TENM1: variants seen among roughly 807,000 people sequenced by gnomAD.
TENM1 encodes teneurin transmembrane protein 1.
In TENM1, 35 loss-of-function variants were observed where a neutral mutation model predicts 174.8. The observed-to-expected ratio is 0.20, with a 90% confidence interval of 0.15 to 0.27. The LOEUF is 0.27. Among genes scored for constraint, TENM1 ranks in the 10% least tolerant of loss-of-function variants. TENM1 has a pLI of 1.00. For missense variants in TENM1, 1,633 were observed against 2,130.1 expected (o/e 0.77, Z 4.59); for synonymous variants, 781 against 798.7 (o/e 0.98, Z 0.37).
At chrX:124,899,123 A>G (rs2057613542) in intron 1 of TENM1, among the ~76,000 whole-genome samples, 2 of 112,057 alleles carry the variant, frequency 1.8e-5, no homozygotes, top group Non-Finnish European at 3.8e-5. Flanking sequence ...GGTGGTGCTC[A>G]AAATTCCCAA....
chrX:124,943,315 C>T (rs1212422457), intron 1 of TENM1, among the ~76,000 whole-genome samples: 4 of 111,460 alleles, frequency 3.6e-5, no homozygotes, highest in African/African-American at 1.3e-4. Context: ...CAAAGCTACT[C>T]AGCATGGAAT....
the TENM1 span, among the ~76,000 whole-genome samples, chrX:125,067,455 A>G: frequency 9.0e-6 from 1 of 111,393 alleles, no homozygotes; most frequent in African/African-American, 3.3e-5. Context: ...ATTCTTTGAC[A>G]GAGCGAGGGA....
chrX:124,614,981 C>T (rs2050366200), intron 11 of TENM1, among the ~76,000 whole-genome samples: 1 of 111,998 alleles, frequency 8.9e-6, no homozygotes, highest in African/African-American at 3.2e-5. Context: ...TAGGAACATG[C>T]CCAAGATTTA....
the TENM1 span, among the ~76,000 whole-genome samples, chrX:125,136,207 T>C: frequency 9.0e-6 from 1 of 111,085 alleles, no homozygotes; most frequent in South Asian, 3.8e-4. Flanking sequence ...AAACTCTGGG[T>C]GTAAGGAAAC....
At chrX:124,909,729 C>T (rs1309696063) in intron 1 of TENM1, among the ~76,000 whole-genome samples, 1 of 112,134 alleles carries the variant, frequency 8.9e-6, no homozygotes, top group Non-Finnish European at 1.9e-5. Context: ...TGCAGGCGGA[C>T]AAATAAAAGA....
exon 11 of TENM1, chrX:124,641,878 C>T: frequency 8.3e-7 from 1 of 1,211,455 alleles, no homozygotes; most frequent in Non-Finnish European, 1.1e-6. Context: ...GAGCACTGCT[C>T]TTGACATACA....
chrX:124,666,253 T>C (rs913648039), intron 6 of TENM1, among the ~76,000 whole-genome samples: 2 of 111,685 alleles, frequency 1.8e-5, no homozygotes, highest in East Asian at 2.8e-4. Flanking sequence ...TCTTTAGTTC[T>C]GTCTTTCCCC....
chrX:124,448,788 C>T (rs2060994982), intron 23 of TENM1, among the ~76,000 whole-genome samples: 1 of 111,725 alleles, frequency 9.0e-6, no homozygotes, highest in African/African-American at 3.3e-5. Context: ...TACATTTAAG[C>T]ATGGTGATAC....
At chrX:125,037,272 G>T in the TENM1 span, among the ~76,000 whole-genome samples, 2 of 109,903 alleles carry the variant, frequency 1.8e-5, no homozygotes, top group Non-Finnish European at 3.8e-5. Context: ...ATTCTCATTG[G>T]TGCCCTCTAT....
chrX:125,191,743 C>T, the TENM1 span, among the ~76,000 whole-genome samples: 2 of 111,444 alleles, frequency 1.8e-5, no homozygotes, highest in East Asian at 5.6e-4. Context: ...TGGTGTGATC[C>T]TGAAAGAGTC....
intron 3 of TENM1, among the ~76,000 whole-genome samples, chrX:124,807,223 C>T (rs1167881875): frequency 2.7e-5 from 3 of 112,056 alleles, no homozygotes; most frequent in African/African-American, 9.7e-5. Context: ...CCAGGCCCCA[C>T]ATCCAACATT....
At chrX:124,448,253 G>C (rs1296601943) in intron 23 of TENM1, among the ~76,000 whole-genome samples, 1 of 112,027 alleles carries the variant, frequency 8.9e-6, no homozygotes, top group Admixed American at 9.5e-5. Context: ...GTCTCATCCA[G>C]AGTTGTATCC....
At chrX:124,897,185 A>G (rs927866616) in intron 1 of TENM1, among the ~76,000 whole-genome samples, 2 of 111,826 alleles carry the variant, frequency 1.8e-5, no homozygotes, top group African/African-American at 6.5e-5. Context: ...TCAATTTTAC[A>G]TTCAGTTATA....
chrX:124,987,497 G>C, the TENM1 span, among the ~76,000 whole-genome samples: 3 of 111,342 alleles, frequency 2.7e-5, no homozygotes, highest in Admixed American at 2.9e-4. Flanking sequence ...AAAATATGTA[G>C]AAACTTGAAA....
chrX:125,053,064 C>T, the TENM1 span, among the ~76,000 whole-genome samples: 2 of 111,842 alleles, frequency 1.8e-5, no homozygotes, highest in Non-Finnish European at 3.8e-5. Context: ...AGTATGTTGA[C>T]ATGAAAGCTG....
At chrX:124,548,890 T>C (rs1048023778) in intron 14 of TENM1, among the ~76,000 whole-genome samples, 5 of 111,970 alleles carry the variant, frequency 4.5e-5, no homozygotes, top group Non-Finnish European at 9.4e-5. Context: ...TCCCCACATG[T>C]GGTCCTTTCA....
intron 3 of TENM1, among the ~76,000 whole-genome samples, chrX:124,752,606 T>C (rs191593742): frequency 8.9e-6 from 1 of 112,166 alleles, no homozygotes; most frequent in African/African-American, 3.2e-5. Context: ...GATTTTCTTC[T>C]AGGGTTTTTA....
the TENM1 span, among the ~76,000 whole-genome samples, chrX:125,170,303 A>G: frequency 9.0e-6 from 1 of 111,419 alleles, no homozygotes. Context: ...AGGGAATAAG[A>G]GACATCCACC....
At chrX:124,604,998 C>A (rs930278688) in intron 11 of TENM1, among the ~76,000 whole-genome samples, 2 of 107,046 alleles carry the variant, frequency 1.9e-5, no homozygotes, top group African/African-American at 3.4e-5. Flanking sequence ...AGATTCAGAG[C>A]AAATAGAGGA....
Sources: gnomAD v4.1 joint callset for allele counts (sites outside exome capture counted in the v4.1 genomes callset) on GRCh38, gnomAD v4.1.1 for gene constraint, MANE v1.5 for transcripts, NCBI Gene and HGNC (gene_info 2026-07-23, HGNC 2026-07-21) for gene names.